SIKE1: variants seen among roughly 807,000 people sequenced by gnomAD.
SIKE1 encodes the protein suppressor of IKK epsilon.
SIKE1 carries 13 observed loss-of-function variants against 25.8 expected under a neutral mutation model. That is an observed-to-expected ratio of 0.50 (90% CI 0.33 to 0.80). The LOEUF (loss-of-function observed/expected upper bound fraction) is 0.80, where lower values mean the gene tolerates loss of function less well. SIKE1 is among the 30% of genes least tolerant of loss of function. The pLI is 0.02. For missense variants in SIKE1, 222 were observed against 252.4 expected, an observed-to-expected ratio of 0.88 and a Z score of 0.82; for synonymous variants, 86 against 95.5, an observed-to-expected ratio of 0.90 and a Z score of 0.58.
At chr1:114,777,430 T>C (rs1206770561) in intron 3 of SIKE1, among the ~76,000 whole-genome samples, 1 of 152,212 alleles carries the variant, frequency 6.6e-6, no homozygotes, top group Non-Finnish European at 1.5e-5. Flanking sequence ...ATCAAGTTGA[T>C]AATCATATGG....
intron 3 of SIKE1, among the ~76,000 whole-genome samples, 184 bp from the exon 4 acceptor site, chr1:114,776,643 CGGA>C: frequency 7.3e-6 from 1 of 136,898 alleles, no homozygotes; most frequent in African/African-American, 3.1e-5. Context: ...CTTGTATTCA[CGGA>C]TATTTTTTTT....
chr1:114,775,743 G>A (rs932523277), intron 4 of SIKE1, among the ~76,000 whole-genome samples: 2 of 152,100 alleles, frequency 1.3e-5, no homozygotes, highest in African/African-American at 4.8e-5. Context: ...TTGGGCTCAA[G>A]CAATTCACTT....
rs1358959682 is a variant in SIKE1, at chr1:114,772,479, A to G, written c.*1792T>C. 3.3e-5 allele frequency: 5 copies of G among 152,164 alleles called. No individual in the cohort carries two copies. The highest frequency in any genetic ancestry group is 7.4e-5 in the Non-Finnish European group (5 of 68,026). The allele number at this position is 152,164 out of a possible 1,614,324, so 9.4% of individuals were successfully genotyped here. On this transcript the variant is annotated 3_prime_UTR_variant, in exon 5 of 5. Transcript: ENST00000060969. The stretch of plus-strand genomic sequence containing the variant: ...CTCAGGCTTTTAATTTTGCAGGGGG[A>G]AAAGTTAGTATGTCGATTTATCCTA...
intron 3 of SIKE1, 78 bp downstream of exon 3, chr1:114,779,064 C>A: frequency 6.4e-7 from 1 of 1,570,130 alleles, no homozygotes; most frequent in Non-Finnish European, 8.7e-7. Context: ...TCTCACAAAG[C>A]AAAAAAACAA....
chr1:114,779,693 T>C (rs1662346939), intron 2 of SIKE1, among the ~76,000 whole-genome samples: 1 of 152,236 alleles, frequency 6.6e-6, no homozygotes, highest in African/African-American at 2.4e-5. Context: ...TCATTAATAA[T>C]GTACTAATCA....
chr1:114,774,209 G>T lies in SIKE1; in HGVS notation c.*62C>A. On this transcript the variant is annotated 3_prime_UTR_variant, in exon 5 of 5. Transcript: ENST00000060969. ...GCAAGACACTTAATGGACAGTACTTGAATGGGAAGACAGTAACTTCCTTCC... is the reference window on the plus strand; with the variant it reads ...GCAAGACACTTAATGGACAGTACTTTAATGGGAAGACAGTAACTTCCTTCC... 7.6e-7 allele frequency: 1 copy of T among 1,314,788 alleles called. No individual in the cohort carries two copies. Among genetic ancestry groups the T allele is most frequent in the Non-Finnish European group, 1.1e-6 (1 of 914,894 alleles). 81.4% of individuals were successfully genotyped at this position (1,314,788 alleles called of 1,614,324 possible).
intron 3 of SIKE1, 183 bp downstream of exon 3, chr1:114,778,959 A>G: frequency 3.1e-6 from 2 of 636,336 alleles, no homozygotes; most frequent in Non-Finnish European, 5.4e-6. Context: ...CCGGAGGCAG[A>G]GGTGAGACGA....
Position 114,770,306 on chromosome 1 carries a change from A to T in SIKE1, c.*3965T>A, listed in dbSNP as rs188095089. 3.1e-4 allele frequency: 48 copies of T among 152,838 alleles called. No individual in the cohort carries two copies. Among genetic ancestry groups the T allele is most frequent in the African/African-American group, 1.2e-3 (48 of 41,598 alleles). 9.5% of individuals were successfully genotyped at this position (152,838 alleles called of 1,614,324 possible). ...CAGCGACTTGGGAGGCTGAGGCAGG[A>T]GAATCGCTTGAACCCAGGAGGTGGA... On this transcript the variant is annotated 3_prime_UTR_variant, in exon 5 of 5. Coordinates refer to ENST00000060969, the MANE Select transcript of SIKE1 (RefSeq NM_025073.3).
At chr1:114,776,508 G>GAT (rs1377351773) in intron 3 of SIKE1, 49 bp from the exon 4 acceptor site, 11 of 1,196,678 alleles carry the variant, frequency 9.2e-6, no homozygotes, top group Non-Finnish European at 1.2e-5. Flanking sequence ...CTGTTCTGTA[G>GAT]ATATAAAGAA....
Position 114,780,150 on chromosome 1 carries a change from T to C in SIKE1, c.225A>G (p.Gln75=), listed in dbSNP as rs1662360288. The C allele has an allele frequency of 6.2e-7, 1 of 1,614,030 alleles. No homozygotes were observed. Among genetic ancestry groups the C allele is most frequent in the East Asian group, 2.2e-5 (1 of 44,882 alleles). ...SKYKPHILLS[Q]ENTQIRDLQQ... ...GCAAGTCTCTAATCTGTGTGTTCTC[T>C]TGGGACAGCAGAATGTGAGGTTTGT... The change falls in exon 2 of 5, where the codon CAA becomes CAG. Residue 75 remains glutamine (Q), a synonymous_variant. Coordinates refer to ENST00000060969, the MANE Select transcript of SIKE1 (RefSeq NM_025073.3).
In SIKE1 at chr1:114,780,178, T is replaced by C. The variant is rs1662361133; in HGVS notation, c.197A>G (p.Lys66Arg). Reference protein sequence around the residue: ...EDASDMKDMSKYKPHILLSQE... With the variant: ...EDASDMKDMSRYKPHILLSQE... ...GGACAGCAGAATGTGAGGTTTGTAT[T>C]TGGACATGTCCTTCATATCGGATGC... The change falls in exon 2 of 5, where the codon AAA becomes AGA. Residue 66 changes from lysine (K) to arginine (R), a missense_variant. Coordinates refer to ENST00000060969, the MANE Select transcript of SIKE1 (RefSeq NM_025073.3). 6.2e-7 allele frequency: 1 copy of C among 1,614,012 alleles called. No homozygotes were observed. Among genetic ancestry groups the C allele is most frequent in the East Asian group, 2.2e-5 (1 of 44,880 alleles).
chr1:114,776,637 T>C (rs1662249389), intron 3 of SIKE1, among the ~76,000 whole-genome samples, 178 bp from the exon 4 acceptor site: 3 of 146,016 alleles, frequency 2.1e-5, no homozygotes, highest in East Asian at 3.9e-4. Flanking sequence ...AGTGACCTTG[T>C]ATTCACGGAT....
Position 114,770,188 on chromosome 1 carries a change from CAT to C in SIKE1, c.*4081_*4082del, listed in dbSNP as rs1340552560. 2 of 152,294 alleles carry C rather than the reference CAT, an allele frequency of 1.3e-5. No individual in the cohort carries two copies. The highest frequency in any genetic ancestry group is 2.9e-5 in the Non-Finnish European group (2 of 68,136). The allele number at this position is 152,294 out of a possible 1,614,324, so 9.4% of individuals were successfully genotyped here. ...CCAAGGCGGGCGGATCACCTGAAGT[CAT>C]AAGTTCGAGACCAGCCTGGCCAACA... On this transcript the variant is annotated 3_prime_UTR_variant, in exon 5 of 5. Transcript: ENST00000060969.
At chr1:114,778,657 C>T (rs924502206) in intron 3 of SIKE1, among the ~76,000 whole-genome samples, 11 of 152,084 alleles carry the variant, frequency 7.2e-5, no homozygotes, top group South Asian at 2.1e-4. Flanking sequence ...CTATTCATAT[C>T]TTTACAAAGC....
rs1662124800 is a variant in SIKE1 at position 114,773,463 on chromosome 1, AAACT to A, written c.*804_*807del. 6.6e-6 allele frequency: 1 copy of A among 152,188 alleles called. No homozygotes were observed. The highest frequency in any genetic ancestry group is 1.5e-5 in the Non-Finnish European group (1 of 68,024). The allele number at this position is 152,188 out of a possible 1,614,324, so 9.4% of individuals were successfully genotyped here. A position where few individuals can be genotyped will look rare whatever the true frequency, so the allele number is the denominator to read the frequency against. ...GTAGAACTAGTAGGATAACATTGAA[AAACT>A]GACTACTTATATTTGTTTTTTTTAT... On this transcript the variant is annotated 3_prime_UTR_variant, in exon 5 of 5. Coordinates refer to ENST00000060969, the MANE Select transcript of SIKE1 (RefSeq NM_025073.3).
At chr1:114,776,803 CAT>C (rs553622078) in intron 3 of SIKE1, among the ~76,000 whole-genome samples, 22 of 152,238 alleles carry the variant, frequency 1.4e-4, no homozygotes, top group Non-Finnish European at 2.2e-4. Context: ...CACATGCACA[CAT>C]GTTTATTGCG....
intron 3 of SIKE1, among the ~76,000 whole-genome samples, chr1:114,778,414 C>T (rs1042021737): frequency 6.6e-6 from 1 of 152,090 alleles, no homozygotes; most frequent in Non-Finnish European, 1.5e-5. Context: ...ATGTCAGGTA[C>T]TATGTTAGGA....
chr1:114,775,796 TA>T (rs2101129294), intron 4 of SIKE1, among the ~76,000 whole-genome samples: 1 of 152,274 alleles, frequency 6.6e-6, no homozygotes, highest in South Asian at 2.1e-4. Context: ...TTAACAATTT[TA>T]TGAGCACACT....
Position 114,770,567 on chromosome 1 carries a change from C to T in SIKE1, c.*3704G>A. On this transcript the variant is annotated 3_prime_UTR_variant, in exon 5 of 5. Coordinates refer to ENST00000060969, the MANE Select transcript of SIKE1 (RefSeq NM_025073.3). ...TTAAAATTGAAGGCAGATGTTTCTT[C>T]CTTAGCTGCAAAAGGAGGCTGAGAA... 6.6e-6 allele frequency: 1 copy of T among 152,148 alleles called. No homozygotes were observed. The highest frequency in any genetic ancestry group is 1.9e-4 in the East Asian group (1 of 5,190). 9.4% of individuals were successfully genotyped at this position (152,148 alleles called of 1,614,324 possible).
Sources: gnomAD v4.1 joint callset for allele counts (sites outside exome capture counted in the v4.1 genomes callset) on GRCh38, gnomAD v4.1.1 for gene constraint, MANE v1.5 for transcripts, NCBI Gene and HGNC (gene_info 2026-07-23, HGNC 2026-07-21) for gene names.